The following ASCC3 variants were observed in gnomAD, a reference collection of about 807,000 sequenced individuals.
ASCC3 encodes activating signal cointegrator 1 complex subunit 3, also known as ASC-1 complex subunit P200.
ASCC3 carries 158 observed loss-of-function variants against 256.3 expected under a neutral mutation model. The observed-to-expected ratio is 0.62, with a 90% CI of 0.54 to 0.70. ASCC3 has a LOEUF of 0.70. Ranked by LOEUF, ASCC3 falls within the 30% of genes least tolerant of loss-of-function variation. The pLI is 0.00. For synonymous variants in ASCC3, 948 were observed against 883.4 expected (o/e 1.07, Z -1.30); for missense variants, 2,259 against 2,626.0 (o/e 0.86, Z 3.05).
chr6:100,571,390 G>A (rs74553164), intron 36 of ASCC3, among the ~76,000 whole-genome samples: 2,923 of 152,106 alleles, frequency 0.019, 89 homozygotes, highest in African/African-American at 0.066. Flanking sequence ...GATTATTACC[G>A]TGTTTTCCCC....
At chr6:100,529,510 A>T (rs945578443) in intron 37 of ASCC3, among the ~76,000 whole-genome samples, 2 of 152,178 alleles carry the variant, frequency 1.3e-5, no homozygotes, top group African/African-American at 4.8e-5. Context: ...GTTAAAGTAA[A>T]TACAGGCAGA....
intron 4 of ASCC3, among the ~76,000 whole-genome samples, chr6:100,807,057 GC>G (rs1250911399): frequency 6.6e-6 from 1 of 151,844 alleles, no homozygotes; most frequent in African/African-American, 2.4e-5. Flanking sequence ...CTGAATCCAA[GC>G]CTAAAGAACT....
chr6:100,580,745 A>G (rs1582487507), intron 36 of ASCC3, among the ~76,000 whole-genome samples: 1 of 78,178 alleles, frequency 1.3e-5, no homozygotes, highest in Admixed American at 1.8e-4. Flanking sequence ...CCCCCACCCC[A>G]CAACAGTCCC....
chr6:100,720,709 A>G (rs1403892667), intron 11 of ASCC3, among the ~76,000 whole-genome samples: 1 of 151,558 alleles, frequency 6.6e-6, no homozygotes, highest in Admixed American at 6.6e-5. Flanking sequence ...TTAAGATAAC[A>G]AACAGCAAGT....
At chr6:100,757,275 A>C (rs2132171) in intron 10 of ASCC3, among the ~76,000 whole-genome samples, 142,577 of 151,982 alleles carry the variant, frequency 0.94, 67,186 homozygotes, top group South Asian at 0.98. Flanking sequence ...CACACCACCA[A>C]CAACAACAAC....
intron 2 of ASCC3, among the ~76,000 whole-genome samples, chr6:100,867,119 G>A (rs1349036955): frequency 6.6e-6 from 1 of 152,084 alleles, no homozygotes; most frequent in African/African-American, 2.4e-5. Flanking sequence ...AACCTATACA[G>A]GAAAGACACT....
At chr6:100,626,144 T>C (rs1334294091) in intron 29 of ASCC3, among the ~76,000 whole-genome samples, 4 of 137,050 alleles carry the variant, frequency 2.9e-5, no homozygotes, top group African/African-American at 1.1e-4. Context: ...AATGAGGTTT[T>C]TTGTTTGTTT....
intron 39 of ASCC3, among the ~76,000 whole-genome samples, chr6:100,515,848 C>T (rs1773997514): frequency 6.6e-6 from 1 of 152,098 alleles, no homozygotes; most frequent in African/African-American, 2.4e-5. Flanking sequence ...TTTTCGCAGC[C>T]AGCTTAGTAG....
At chr6:100,875,150 G>A (rs1773935539) in intron 1 of ASCC3, among the ~76,000 whole-genome samples, 1 of 134,478 alleles carries the variant, frequency 7.4e-6, no homozygotes, top group Admixed American at 7.9e-5. Flanking sequence ...TAAACCAACT[G>A]AAAGACAGAG....
chr6:100,724,546 A>AGGGGTAACTTAAAGAGTGAAAGAAAT lies in ASCC3; in HGVS notation c.1902+992_1902+993insATTTCTTTCACTCTTTAAGTTACCCC, dbSNP rs1779532863. On this transcript the variant is annotated intron_variant, in intron 11 of 41. Transcript: ENST00000369162. Reference sequence around the variant, plus strand: ...AACTTAAAGACATAGGAGAAAGAAAAGGGGTAACTTACAGAGTGAAAGAAA... The same window carrying AGGGGTAACTTAAAGAGTGAAAGAAAT: ...AACTTAAAGACATAGGAGAAAGAAAAGGGGTAACTTAAAGAGTGAAAGAAATGGGGTAACTTACAGAGTGAAAGAAA... 3.3e-5 allele frequency among the ~76,000 whole-genome samples: 5 copies of AGGGGTAACTTAAAGAGTGAAAGAAAT among 151,940 alleles called. No homozygotes were observed. In the South Asian group the frequency reaches 1.0e-3, roughly 32 times the overall value.
At chr6:100,822,512 G>A (rs937499750) in intron 4 of ASCC3, among the ~76,000 whole-genome samples, 3 of 148,908 alleles carry the variant, frequency 2.0e-5, no homozygotes, top group African/African-American at 7.5e-5. Context: ...ACTCCAGCCT[G>A]GGCGACGAGC....
intron 36 of ASCC3, among the ~76,000 whole-genome samples, chr6:100,564,032 C>G (rs2114710152): frequency 6.6e-6 from 1 of 151,702 alleles, no homozygotes; most frequent in Middle Eastern, 3.4e-3. Flanking sequence ...CGCCAAAGCC[C>G]ATCTTCTTTT....
chr6:100,739,175 C>T (rs1460571557), intron 10 of ASCC3, among the ~76,000 whole-genome samples: 1 of 152,108 alleles, frequency 6.6e-6, no homozygotes, highest in Non-Finnish European at 1.5e-5. Flanking sequence ...TTATCAAAGG[C>T]TTTTCTGCAT....
chr6:100,589,402 T>C (rs1337735614), intron 36 of ASCC3, among the ~76,000 whole-genome samples: 1 of 152,074 alleles, frequency 6.6e-6, no homozygotes, highest in Non-Finnish European at 1.5e-5. Flanking sequence ...TATCCTGGCT[T>C]AAATATTAAT....
intron 17 of ASCC3, among the ~76,000 whole-genome samples, chr6:100,653,609 A>G (rs1226237748): frequency 1.3e-5 from 2 of 150,344 alleles, no homozygotes; most frequent in Non-Finnish European, 3.0e-5. Flanking sequence ...CTGCACTCCA[A>G]CCTGGGCGAC....
intron 14 of ASCC3, among the ~76,000 whole-genome samples, chr6:100,665,123 T>C (rs1186028169): frequency 6.6e-6 from 1 of 151,992 alleles, no homozygotes; most frequent in East Asian, 1.9e-4. Context: ...CAGGTGGATC[T>C]TGGAGTACTG....
rs1781669646 is a variant in ASCC3, at chr6:100,766,624, T to C, written c.1678A>G (p.Ile560Val). 6.2e-7 allele frequency: 1 copy of C among 1,614,066 alleles called. No individual in the cohort carries two copies. Among genetic ancestry groups the C allele is most frequent in the Non-Finnish European group, 8.5e-7 (1 of 1,179,964 alleles). ...ATGTCACCAGTCAATTCTTTCACAA[T>C]GATGCCTAGTGGCTCTAGACGTCTG... ...FSRRLEPLGIIVKELTGDMQL... is the reference protein window; with the variant it reads ...FSRRLEPLGIVVKELTGDMQL... Residue 560 changes from isoleucine (I) to valine (V), a missense_variant, in exon 10 of 42, where the codon ATT becomes GTT. Ile to Val is a conservative substitution (Grantham distance 29). Around this residue, in one of 2 missense-constraint regions of ASCC3, gnomAD observed 1,839 missense variants for 2,206.7 expected, o/e 0.83. Transcript: ENST00000369162.
In ASCC3 at chr6:100,606,869, C is replaced by T. The variant is rs41285887; in HGVS notation, c.4924-9G>A. On this transcript the variant is annotated splice_polypyrimidine_tract_variant and intron_variant, in intron 31 of 41. Coordinates refer to ENST00000369162, the MANE Select transcript of ASCC3 (RefSeq NM_006828.4). ...CTTGTAGCAATAAGAACCTAAAAAG[C>T]AAAATAAAATATCTTATATCTAAGT... The T allele has an allele frequency of 0.019, 29,983 of 1,610,240 alleles. 332 individuals are homozygous for T. The highest frequency in any genetic ancestry group is 0.026 in the East Asian group (1,172 of 44,674).
chr6:100,601,852 A>T lies in ASCC3; in HGVS notation c.5261T>A (p.Ile1754Asn). Residue 1754 changes from isoleucine (I) to asparagine (N), a missense_variant, in exon 34 of 42, where the codon ATC becomes AAC. Physicochemically the swap from Ile to Asn is moderately radical, Grantham distance 149. Transcript: ENST00000369162. ...ITSKQDALDYITWTYFFRRLI... is the reference protein window; with the variant it reads ...ITSKQDALDYNTWTYFFRRLI... Reference sequence around the variant, plus strand: ...ACGTCGGAAAAAGTAAGTCCAGGTGATATAATCCAATGCATCTTGCTTAGA... The same window carrying T: ...ACGTCGGAAAAAGTAAGTCCAGGTGTTATAATCCAATGCATCTTGCTTAGA... The T allele has an allele frequency of 6.2e-7, 1 of 1,612,720 alleles. No homozygotes were observed. The highest frequency in any genetic ancestry group is 1.1e-5 in the South Asian group (1 of 91,044).
Sources: allele counts gnomAD v4.1 joint callset (sites outside exome capture counted in the v4.1 genomes callset), GRCh38; gene constraint gnomAD v4.1.1; regional missense constraint gnomAD v4.1.1; transcripts MANE v1.5; gene names NCBI Gene and HGNC (gene_info 2026-07-23, HGNC 2026-07-21).